The following TTC34 variants were observed in gnomAD, a reference collection of about 807,000 sequenced individuals.
TTC34 encodes tetratricopeptide repeat protein 34.
TTC34 carries 44 observed loss-of-function variants against 40.7 expected under a neutral mutation model. The ratio of observed to expected loss-of-function variants is 1.08; its 90% CI spans 0.85 to 1.39. The LOEUF (loss-of-function observed/expected upper bound fraction) is 1.39, where lower values mean the gene tolerates loss of function less well. Among genes scored for constraint, TTC34 ranks in the 40% most tolerant of loss-of-function variants. The probability of loss-of-function intolerance (pLI) is 0.00; values close to 1 mark genes in which losing one functional copy is unlikely to be tolerated. For missense variants in TTC34, 884 were observed against 838.0 expected, an observed-to-expected ratio of 1.05 and a Z score of -0.68; for synonymous variants, 422 against 398.6, an observed-to-expected ratio of 1.06 and a Z score of -0.70.
intron 6 of TTC34, chr1:2,775,983 C>G (rs368897885): frequency 9.1e-6 from 1 of 109,290 alleles, no homozygotes; most frequent in Non-Finnish European, 1.7e-5. Flanking sequence ...CCTGGGGACG[C>G]GTGGAAAACC....
chr1:2,652,186 A>C (rs55714819), intron 6 of TTC34, among the ~76,000 whole-genome samples: 12 of 252 alleles, frequency 0.048, no homozygotes, highest in African/African-American at 0.064. Flanking sequence ...CATCTGACAG[A>C]CTGGAACAGC....
intron 3 of TTC34, among the ~76,000 whole-genome samples, chr1:2,787,948 A>T (rs1234621835): frequency 6.6e-6 from 1 of 152,228 alleles, no homozygotes; most frequent in East Asian, 1.9e-4. Flanking sequence ...ATAGACAGGC[A>T]GAGGCAGGGC....
At chr1:2,752,445 C>T (rs1641353772) in intron 6 of TTC34, among the ~76,000 whole-genome samples, 1,063 of 146,634 alleles carry the variant, frequency 7.2e-3, no homozygotes, top group Admixed American at 0.015. Flanking sequence ...GGAACAGCAC[C>T]CTGCACCCCC....
intron 6 of TTC34, among the ~76,000 whole-genome samples, chr1:2,769,767 TG>T (rs1298492321): frequency 5.6e-5 from 8 of 143,768 alleles, no homozygotes; most frequent in African/African-American, 2.1e-4. Flanking sequence ...GGTGAGCATC[TG>T]ACAGCGTGGA....
chr1:2,787,034 G>C (rs1160488620), intron 4 of TTC34, among the ~76,000 whole-genome samples: 1 of 152,202 alleles, frequency 6.6e-6, no homozygotes, highest in Non-Finnish European at 1.5e-5. Context: ...AGGCAGGTAA[G>C]GGTCTGCCTT....
In TTC34 at chr1:2,796,894, A is replaced by G. The variant is rs964743305; in HGVS notation, c.784+3150T>C. ...CCTGCCCCACCCTCTCGTTGGGGTC[A>G]CCAAGAACCTCGGCACCACACGCCC... On this transcript the variant is annotated intron_variant, in intron 2 of 8. Transcript: ENST00000401095. This position sits in a 1 kb window ranked among gnomAD's most constrained non-coding sequence, Gnocchi z 4.5. 1.3e-5 allele frequency among the ~76,000 whole-genome samples: 2 copies of G among 152,086 alleles called. No homozygotes were observed. Among genetic ancestry groups the G allele is most frequent in the African/African-American group, 4.8e-5 (2 of 41,416 alleles).
chr1:2,755,765 C>T (rs1481747730), intron 6 of TTC34, among the ~76,000 whole-genome samples: 41 of 129,604 alleles, frequency 3.2e-4, no homozygotes, highest in African/African-American at 7.4e-4. Flanking sequence ...CATCTGACAG[C>T]CTGGAACGGC....
At chr1:2,641,766 C>A in exon 9 of TTC34, 1 of 1,535,284 alleles carries the variant, frequency 6.5e-7, no homozygotes. Context: ...TGCAACTCGG[C>A]CAGGCAGGTG....
intron 2 of TTC34, among the ~76,000 whole-genome samples, chr1:2,797,902 A>G (rs928860417): frequency 6.6e-6 from 1 of 151,662 alleles, no homozygotes; most frequent in Non-Finnish European, 1.5e-5. Context: ...TCTACCCACA[A>G]TCTCGTCACT....
intron 6 of TTC34, among the ~76,000 whole-genome samples, chr1:2,757,833 C>G (rs1234046347): frequency 6.7e-6 from 1 of 148,740 alleles, no homozygotes; most frequent in Non-Finnish European, 1.5e-5. Flanking sequence ...CACCCACACC[C>G]CCAGGTGCGC....
chr1:2,643,538 C>G (rs559531115), intron 8 of TTC34, among the ~76,000 whole-genome samples: 1 of 152,294 alleles, frequency 6.6e-6, no homozygotes, highest in Admixed American at 6.5e-5. Flanking sequence ...GCACAGACCC[C>G]TCCTCCTGGC....
intron 6 of TTC34, among the ~76,000 whole-genome samples, chr1:2,753,356 G>T (rs1174496654): frequency 2.5e-5 from 3 of 121,084 alleles, no homozygotes; most frequent in African/African-American, 3.7e-5. Flanking sequence ...GCATCTGACA[G>T]CCTAGAACAG....
intron 6 of TTC34, among the ~76,000 whole-genome samples, chr1:2,773,295 C>G (rs1642611404): frequency 2.7e-5 from 3 of 110,626 alleles, no homozygotes; most frequent in Non-Finnish European, 6.0e-5. Context: ...GCGGCGCCCA[C>G]AGCCCCAGGT....
chr1:2,787,775 C>T (rs1643611397), intron 3 of TTC34, 69 bp from the exon 4 acceptor site: 1 of 1,324,718 alleles, frequency 7.5e-7, no homozygotes. Context: ...GGTGATTGGG[C>T]AGTGGGGAAA....
At chr1:2,649,724 T>C (rs1639088536) in intron 6 of TTC34, among the ~76,000 whole-genome samples, 1 of 152,216 alleles carries the variant, frequency 6.6e-6, no homozygotes, top group South Asian at 2.1e-4. Context: ...TTTCACCATG[T>C]TGACCAGGCT....
chr1:2,687,187 A>C (rs1392715511), intron 6 of TTC34, among the ~76,000 whole-genome samples: 8 of 80,894 alleles, frequency 9.9e-5, no homozygotes, highest in East Asian at 4.0e-4. Context: ...ATCTGAACCC[A>C]CGGAGCAGCA....
Position 2,755,693 on chromosome 1 carries a change from G to A in TTC34, c.2226+27916C>T, listed in dbSNP as rs1371598277. ...GGTGAGCATCTGACATCGTGGAGCA[G>A]CACCCCAAACCCACAGGTGAGCATC... On this transcript the variant is annotated intron_variant, in intron 6 of 8. Coordinates refer to ENST00000401095, the Ensembl canonical transcript of TTC34. Among the ~76,000 whole-genome samples, 6 of 64,300 alleles carry A rather than the reference G, an allele frequency of 9.3e-5. 1 individual carries two copies. The highest frequency in any genetic ancestry group is 5.4e-4 in the African/African-American group (6 of 11,088). The allele number at this position is 64,300 out of a possible 152,430, so 42.2% of individuals were successfully genotyped here. A position where few individuals can be genotyped will look rare whatever the true frequency, so the allele number is the denominator to read the frequency against.
At chr1:2,753,998 G>T (rs1404016137) in intron 6 of TTC34, among the ~76,000 whole-genome samples, 49 of 65,988 alleles carry the variant, frequency 7.4e-4, no homozygotes, top group South Asian at 1.9e-3. Flanking sequence ...GTATCTGTAC[G>T]CACAGAGCAG....
chr1:2,652,733 T>C (rs35684006), intron 6 of TTC34, among the ~76,000 whole-genome samples: 2 of 142,156 alleles, frequency 1.4e-5, no homozygotes, highest in African/African-American at 2.7e-5. Context: ...CACCCCCAGG[T>C]GAGCATCTGA....
Sources: allele counts gnomAD v4.1 joint callset (sites outside exome capture counted in the v4.1 genomes callset), GRCh38; gene constraint gnomAD v4.1.1; non-coding constraint Gnocchi (gnomAD v3.1); transcripts MANE v1.5; gene names NCBI Gene and HGNC (gene_info 2026-07-23, HGNC 2026-07-21).